The following SUMF1 variants were observed in gnomAD, a reference collection of about 807,000 sequenced individuals.
The protein encoded by SUMF1 is formylglycine-generating enzyme.
In SUMF1, 48 loss-of-function variants were observed where a neutral mutation model predicts 47.6. The observed-to-expected ratio is 1.01, with a 90% CI of 0.80 to 1.28. The LOEUF is 1.28. Among genes scored for constraint, SUMF1 ranks in the 50% most tolerant of loss-of-function variants. SUMF1 has a pLI of 0.00. For missense variants in SUMF1, 571 were observed against 485.4 expected (o/e 1.18, Z -1.66); for synonymous variants, 230 against 192.1 (o/e 1.20, Z -1.63).
chr3:4,245,250 C>T (rs759086486), intron 8 of SUMF1, among the ~76,000 whole-genome samples: 1 of 152,066 alleles, frequency 6.6e-6, no homozygotes, highest in Non-Finnish European at 1.5e-5. Flanking sequence ...TCAACTCAAA[C>T]TCATTCTCCA....
At chr3:4,356,661 G>A (rs1306140711), downstream of SUMF1, among the ~76,000 whole-genome samples, 2 of 151,886 alleles carry the variant, frequency 1.3e-5, no homozygotes, top group Non-Finnish European at 2.9e-5. Context: ...CAGATGAAAC[G>A]GGGCTGCAGA....
chr3:4,411,059 G>T, intron 6 of SUMF1, 81 bp from the exon 7 acceptor site: 1 of 1,064,256 alleles, frequency 9.4e-7, no homozygotes, highest in Non-Finnish European at 1.5e-6. Flanking sequence ...TGCAGCAAGA[G>T]CTTTAATTTC....
chr3:4,039,778 T>C (rs191185477), intron 9 of SUMF1, among the ~76,000 whole-genome samples: 2 of 152,230 alleles, frequency 1.3e-5, no homozygotes, highest in South Asian at 2.1e-4. Flanking sequence ...CTCAGCACTT[T>C]TGGAGGCTGA....
intron 8 of SUMF1, among the ~76,000 whole-genome samples, chr3:4,077,836 T>G (rs747798411): frequency 1.9e-4 from 29 of 152,086 alleles, no homozygotes; most frequent in Non-Finnish European, 4.1e-4. Context: ...CTATATAAGA[T>G]GAATAGTAAA....
rs564950761 is a variant in SUMF1, at chr3:4,158,227, G to A, written c.1015-89482C>T. Among the ~76,000 whole-genome samples, 41 of 151,718 alleles carry A rather than the reference G, an allele frequency of 2.7e-4. 3 individuals are homozygous for A. The highest frequency in any genetic ancestry group is 9.5e-4 in the African/African-American group (39 of 41,056). On this transcript the variant is annotated intron_variant and NMD_transcript_variant, in intron 8 of 12. Transcript: ENST00000448413. The stretch of plus-strand genomic sequence containing the variant: ...GCAGTATGCAGTAAGTTACAATGGA[G>A]ATATAAACAAATGTTTTGTATAGTT...
chr3:4,162,981 A>C (rs1216015245), intron 8 of SUMF1, among the ~76,000 whole-genome samples: 1 of 152,112 alleles, frequency 6.6e-6, no homozygotes, highest in East Asian at 1.9e-4. Flanking sequence ...CAAACTCATC[A>C]CGTTAGTGCC....
intron 8 of SUMF1, among the ~76,000 whole-genome samples, chr3:4,278,742 T>C (rs1199739818): frequency 6.6e-6 from 1 of 152,172 alleles, no homozygotes; most frequent in Non-Finnish European, 1.5e-5. Flanking sequence ...AGTCTTGATA[T>C]ACATGGTATT....
At chr3:4,437,666 C>T (rs965917399) in intron 3 of SUMF1, among the ~76,000 whole-genome samples, 1 of 152,136 alleles carries the variant, frequency 6.6e-6, no homozygotes, top group Non-Finnish European at 1.5e-5. Flanking sequence ...AGGCTGGGCA[C>T]GGTGGCTCAC....
intron 9 of SUMF1, among the ~76,000 whole-genome samples, chr3:4,038,372 C>T (rs537027285): frequency 9.9e-5 from 15 of 152,048 alleles, no homozygotes; most frequent in Non-Finnish European, 1.9e-4. Context: ...CCCCATAGGT[C>T]GACTGCAGCT....
At chr3:4,363,012 A>G (rs1220337069) in intron 8 of SUMF1, among the ~76,000 whole-genome samples, 1 of 152,030 alleles carries the variant, frequency 6.6e-6, no homozygotes, top group Non-Finnish European at 1.5e-5. Context: ...GCCAAGAAGA[A>G]AAGACTGGAA....
At chr3:4,359,292 T>C (rs1699690027), downstream of SUMF1, among the ~76,000 whole-genome samples, 1 of 152,208 alleles carries the variant, frequency 6.6e-6, no homozygotes, top group Non-Finnish European at 1.5e-5. Context: ...TGTATTCATT[T>C]TTAGAGACAG....
chr3:4,418,255 C>T (rs188846362), intron 4 of SUMF1, 123 bp from the exon 5 acceptor site: 75 of 1,428,292 alleles, frequency 5.3e-5, no homozygotes, highest in Non-Finnish European at 6.6e-5. Flanking sequence ...CATCCTGGTC[C>T]TTAAGTCAAA....
At chr3:4,186,944 T>C (rs1695212289) in intron 8 of SUMF1, among the ~76,000 whole-genome samples, 1 of 152,184 alleles carries the variant, frequency 6.6e-6, no homozygotes, top group Non-Finnish European at 1.5e-5. Flanking sequence ...TAAATATCAT[T>C]CTTTACGTAA....
chr3:4,405,454 T>C (rs1311791715), intron 7 of SUMF1, among the ~76,000 whole-genome samples: 1 of 152,196 alleles, frequency 6.6e-6, no homozygotes, highest in Non-Finnish European at 1.5e-5. Flanking sequence ...TGGTGTGATC[T>C]CAGCTCACTG....
chr3:4,037,265 T>C (rs1694817382), intron 9 of SUMF1, among the ~76,000 whole-genome samples: 1 of 152,170 alleles, frequency 6.6e-6, no homozygotes, highest in Non-Finnish European at 1.5e-5. Flanking sequence ...AATAATTCCT[T>C]ATCTGGTCCC....
chr3:4,199,319 T>C (rs989974174), intron 8 of SUMF1, among the ~76,000 whole-genome samples: 14 of 152,330 alleles, frequency 9.2e-5, no homozygotes, highest in Admixed American at 5.9e-4. Flanking sequence ...AGTAGTTTGC[T>C]CCTTCTTATT....
intron 8 of SUMF1, among the ~76,000 whole-genome samples, chr3:4,371,327 G>C (rs1373222762): frequency 6.6e-6 from 1 of 152,180 alleles, no homozygotes; most frequent in African/African-American, 2.4e-5. Flanking sequence ...GTGTGAAATT[G>C]ATCTCCATGT....
At chr3:4,142,079 T>C (rs558906373) in intron 8 of SUMF1, among the ~76,000 whole-genome samples, 1 of 152,316 alleles carries the variant, frequency 6.6e-6, no homozygotes, top group African/African-American at 2.4e-5. Context: ...CTCCAGGGTA[T>C]TCTAATGTAT....
intron 8 of SUMF1, among the ~76,000 whole-genome samples, chr3:4,327,788 T>C (rs1016659578): frequency 2.6e-5 from 4 of 152,140 alleles, no homozygotes; most frequent in Admixed American, 2.6e-4. Context: ...TAAAAAAGAA[T>C]TTAGAACTTG....
Sources: allele counts gnomAD v4.1 joint callset (sites outside exome capture counted in the v4.1 genomes callset), GRCh38; gene constraint gnomAD v4.1.1; transcripts MANE v1.5; gene names NCBI Gene and HGNC (gene_info 2026-07-23, HGNC 2026-07-21).